KCNH5: variants seen among roughly 807,000 people sequenced by gnomAD.
KCNH5 encodes voltage-gated delayed rectifier potassium channel KCNH5.
KCNH5 carries 46 observed loss-of-function variants against 96.1 expected under a neutral mutation model. The ratio of observed to expected loss-of-function variants is 0.48; its 90% confidence interval spans 0.38 to 0.61. The LOEUF is 0.61. Among genes scored for constraint, KCNH5 ranks in the 20% least tolerant of loss-of-function variants. The probability of loss-of-function intolerance (pLI) is 0.00; values close to 1 mark genes in which losing one functional copy is unlikely to be tolerated. For missense variants in KCNH5, 907 were observed against 1,225.8 expected, an observed-to-expected ratio of 0.74 and a Z score of 3.88; for synonymous variants, 439 against 449.8, an observed-to-expected ratio of 0.98 and a Z score of 0.30.
At chr14:62,986,762 G>C (rs189416648) in intron 5 of KCNH5, among the ~76,000 whole-genome samples, 1 of 152,270 alleles carries the variant, frequency 6.6e-6, no homozygotes, top group South Asian at 2.1e-4. Flanking sequence ...GCCAAGCACA[G>C]AGCATACCCT....
intron 1 of KCNH5, among the ~76,000 whole-genome samples, chr14:63,024,491 C>T: frequency 6.6e-6 from 1 of 151,808 alleles, no homozygotes; most frequent in East Asian, 1.9e-4. Flanking sequence ...GTCAGTGAAA[C>T]TACAAGTTGG....
intron 6 of KCNH5, among the ~76,000 whole-genome samples, chr14:62,964,892 C>G (rs1269306791): frequency 6.6e-6 from 1 of 150,520 alleles, no homozygotes; most frequent in Non-Finnish European, 1.5e-5. Flanking sequence ...AAGTTGAGTC[C>G]AATCCCTCTC....
At chr14:62,747,888 GA>G (rs1397237816) in intron 10 of KCNH5, among the ~76,000 whole-genome samples, 3 of 152,164 alleles carry the variant, frequency 2.0e-5, no homozygotes, top group African/African-American at 7.2e-5. Context: ...GTTAATAGGA[GA>G]AAAAAAGGCA....
intron 2 of KCNH5, among the ~76,000 whole-genome samples, chr14:63,014,940 T>G (rs1455337679): frequency 1.3e-5 from 2 of 152,092 alleles, no homozygotes; most frequent in Non-Finnish European, 2.9e-5. Flanking sequence ...GAAACTCAGC[T>G]TTTTCTAACT....
intron 4 of KCNH5, among the ~76,000 whole-genome samples, chr14:62,997,791 T>C (rs1177378538): frequency 3.3e-5 from 5 of 150,516 alleles, no homozygotes; most frequent in Middle Eastern, 3.4e-3. Flanking sequence ...TCCCAGCTAC[T>C]TGGAAGGCTG....
At chr14:62,800,291 G>A (rs1162467799) in intron 9 of KCNH5, among the ~76,000 whole-genome samples, 1 of 152,170 alleles carries the variant, frequency 6.6e-6, no homozygotes. Flanking sequence ...AAATGTGACA[G>A]ATATATGATG....
chr14:62,860,364 C>A (rs1193780244), intron 7 of KCNH5, among the ~76,000 whole-genome samples: 4 of 152,330 alleles, frequency 2.6e-5, no homozygotes, highest in Non-Finnish European at 5.9e-5. Context: ...TTTCTTTATT[C>A]TCTCTAATCC....
chr14:62,935,864 C>T (rs1323683812), intron 7 of KCNH5, among the ~76,000 whole-genome samples: 1 of 152,102 alleles, frequency 6.6e-6, no homozygotes, highest in South Asian at 2.1e-4. Context: ...ATCTGAGAGT[C>T]GGCTGGCTCC....
intron 7 of KCNH5, among the ~76,000 whole-genome samples, chr14:62,875,771 C>T (rs1418868943): frequency 6.6e-6 from 1 of 152,132 alleles, no homozygotes; most frequent in Non-Finnish European, 1.5e-5. Context: ...AATCCTAGCA[C>T]TTTGGGAGGC....
intron 8 of KCNH5, among the ~76,000 whole-genome samples, chr14:62,847,435 C>T (rs1887722529): frequency 1.3e-5 from 2 of 152,038 alleles, no homozygotes; most frequent in East Asian, 3.9e-4. Flanking sequence ...GTGCTGTTAA[C>T]CTAGAACTTA....
chr14:62,971,936 T>C (rs1055750799), intron 6 of KCNH5, among the ~76,000 whole-genome samples: 20 of 152,094 alleles, frequency 1.3e-4, no homozygotes, highest in Admixed American at 1.2e-3. Flanking sequence ...CTAGATGACC[T>C]TGAGTATGAC....
chr14:62,955,853 T>G (rs1334770172), intron 6 of KCNH5, among the ~76,000 whole-genome samples: 2 of 152,148 alleles, frequency 1.3e-5, no homozygotes, highest in Non-Finnish European at 2.9e-5. Context: ...CTACCTTCAT[T>G]GTTCACATGA....
chr14:62,773,154 T>G (rs890484013), intron 10 of KCNH5, among the ~76,000 whole-genome samples: 1 of 152,212 alleles, frequency 6.6e-6, no homozygotes, highest in African/African-American at 2.4e-5. Context: ...CAGCATGAGC[T>G]TCCAAGGACT....
chr14:62,777,298 T>C (rs773626131), intron 10 of KCNH5, among the ~76,000 whole-genome samples: 1 of 152,190 alleles, frequency 6.6e-6, no homozygotes, highest in Non-Finnish European at 1.5e-5. Context: ...TGAATTCAAA[T>C]GCAGGCCCTG....
At chr14:62,876,640 T>C (rs1486438819) in intron 7 of KCNH5, among the ~76,000 whole-genome samples, 1 of 152,188 alleles carries the variant, frequency 6.6e-6, no homozygotes, top group African/African-American at 2.4e-5. Flanking sequence ...TAACTGAATA[T>C]GTATAAATCC....
At chr14:62,981,317 G>C in intron 5 of KCNH5, 53 bp from the exon 6 acceptor site, 1 of 1,542,244 alleles carries the variant, frequency 6.5e-7, no homozygotes, top group Non-Finnish European at 8.9e-7. Flanking sequence ...TGCACAGTCA[G>C]TGATGAATTC....
intron 7 of KCNH5, among the ~76,000 whole-genome samples, chr14:62,901,311 T>C (rs1294260055): frequency 3.3e-5 from 5 of 152,086 alleles, no homozygotes; most frequent in African/African-American, 9.7e-5. Context: ...AGGTGTAGGG[T>C]GTGACTGATT....
chr14:63,004,063 T>C (rs952934459), intron 3 of KCNH5, among the ~76,000 whole-genome samples: 2 of 152,142 alleles, frequency 1.3e-5, no homozygotes, highest in Non-Finnish European at 2.9e-5. Context: ...GATGCCGCAA[T>C]TCCCCCATTT....
intron 8 of KCNH5, among the ~76,000 whole-genome samples, chr14:62,831,096 G>C (rs7161020): frequency 0.028 from 4,286 of 152,200 alleles, 93 homozygotes; most frequent in South Asian, 0.057. Context: ...CCTGTTCTTA[G>C]TATTTTCCAT....
Sources: allele counts gnomAD v4.1 joint callset (sites outside exome capture counted in the v4.1 genomes callset), GRCh38; gene constraint gnomAD v4.1.1; transcripts MANE v1.5; gene names NCBI Gene and HGNC (gene_info 2026-07-23, HGNC 2026-07-21).